Variants in SEMA4B observed in about 807,000 individuals in gnomAD.
SEMA4B encodes semaphorin 4B, also known as semaphorin-4B.
A neutral mutation model predicts 88.1 loss-of-function variants in SEMA4B; 55 were observed. The observed-to-expected ratio is 0.62, with a 90% CI of 0.50 to 0.78. The LOEUF (loss-of-function observed/expected upper bound fraction) is 0.78, where lower values mean the gene tolerates loss of function less well. SEMA4B is among the 30% of genes least tolerant of loss of function. The pLI, the probability that SEMA4B is intolerant of heterozygous loss-of-function variation, is 0.00. For synonymous variants in SEMA4B, 525 were observed against 473.6 expected, an observed-to-expected ratio of 1.11 and a Z score of -1.41; for missense variants, 1,062 against 1,111.9, an observed-to-expected ratio of 0.96 and a Z score of 0.64.
intron 3 of SEMA4B, 159 bp downstream of exon 3, chr15:90,217,988 T>C: frequency 4.9e-6 from 3 of 615,126 alleles, no homozygotes; most frequent in Admixed American, 2.8e-5. Flanking sequence ...ATCCCAGCAC[T>C]ACACTTACAT....
rs1960747069 is a variant in SEMA4B, at chr15:90,201,706, C to T, written c.128C>T (p.Ala43Val). The change falls in exon 1 of 14, where the codon GCG becomes GTG. Residue 43 changes from alanine (A) to valine (V), a missense_variant. Transcript: ENST00000411539. ...LLLQPPPPTW[A>V]LSPRISLPLG... Reference sequence around the variant, plus strand: ...CTGCAGCCGCCGCCTCCGACCTGGGCGCTCAGCCCCCGGATCAGCCTGCCT... The same window carrying T: ...CTGCAGCCGCCGCCTCCGACCTGGGTGCTCAGCCCCCGGATCAGCCTGCCT... 3 of 1,496,706 alleles carry T rather than the reference C, an allele frequency of 2.0e-6. No individual in the cohort carries two copies. Among genetic ancestry groups the T allele is most frequent in the Non-Finnish European group, 2.7e-6 (3 of 1,128,834 alleles). The allele number at this position is 1,496,706 out of a possible 1,614,324, so 92.7% of individuals were successfully genotyped here.
At chr15:90,224,446 A>G (rs1398643875) in intron 9 of SEMA4B, among the ~76,000 whole-genome samples, 1 of 152,230 alleles carries the variant, frequency 6.6e-6, no homozygotes, top group East Asian at 1.9e-4. Context: ...AGCAGCATGA[A>G]GGAATAGGAA....
chr15:90,205,635 G>A (rs559052841), intron 1 of SEMA4B, among the ~76,000 whole-genome samples: 1 of 152,386 alleles, frequency 6.6e-6, no homozygotes, highest in Non-Finnish European at 1.5e-5. Flanking sequence ...CCTGGCACAT[G>A]CTGCATCCGT....
intron 1 of SEMA4B, chr15:90,190,447 C>G (rs1373724193): frequency 6.6e-6 from 1 of 152,320 alleles, no homozygotes; most frequent in Non-Finnish European, 1.5e-5. Flanking sequence ...AAGGCTCTGT[C>G]TGGGAGTAAG....
At chr15:90,225,564 C>T in intron 11 of SEMA4B, 97 bp from the exon 12 acceptor site, 1 of 1,425,304 alleles carries the variant, frequency 7.0e-7, no homozygotes. Context: ...TAACAGGCCT[C>T]TTGGGGGTGG....
At chr15:90,198,948 A>G (rs1466223099), upstream of SEMA4B, among the ~76,000 whole-genome samples, 4 of 151,906 alleles carry the variant, frequency 2.6e-5, no homozygotes, top group African/African-American at 9.7e-5. Flanking sequence ...GCTCACTGCA[A>G]CCTCCGCCTC....
intron 1 of SEMA4B, among the ~76,000 whole-genome samples, chr15:90,205,131 G>A (rs1960929699): frequency 6.6e-6 from 1 of 152,198 alleles, no homozygotes; most frequent in Admixed American, 6.5e-5. Flanking sequence ...GAAAGCTCTG[G>A]ACGCAGTATT....
In SEMA4B at chr15:90,224,977, A is replaced by C; in HGVS notation, c.1204A>C (p.Asn402His). The change falls in exon 10 of 14, where the codon AAC (asparagine) becomes CAC (histidine). Residue 402 changes from asparagine to histidine, a missense_variant. By Grantham distance (68) the Asn-to-His change is moderately conservative. Transcript: ENST00000411539. Reference protein sequence around the residue: ...PTPRPGACITNSARERKINSS... With the variant: ...PTPRPGACITHSARERKINSS... Reference sequence around the variant, plus strand: ...CTGCTTTCTCCTCCAGTGCATCACCAACAGTGCCCGGGAAAGGAAGATCAA... The same window carrying C: ...CTGCTTTCTCCTCCAGTGCATCACCCACAGTGCCCGGGAAAGGAAGATCAA... 2 of 1,613,846 alleles carry C rather than the reference A, an allele frequency of 1.2e-6. No individual in the cohort carries two copies. Among genetic ancestry groups the C allele is most frequent in the Non-Finnish European group, 1.7e-6 (2 of 1,179,830 alleles).
At chr15:90,202,388 C>G (rs536018924) in intron 1 of SEMA4B, among the ~76,000 whole-genome samples, 87 of 151,982 alleles carry the variant, frequency 5.7e-4, no homozygotes, top group African/African-American at 2.1e-3. Context: ...AAGTCCTGGG[C>G]GCGACCCCTC....
intron 1 of SEMA4B, among the ~76,000 whole-genome samples, chr15:90,210,129 A>T (rs535106803): frequency 1.2e-3 from 187 of 152,014 alleles, no homozygotes; most frequent in Non-Finnish European, 2.5e-3. Flanking sequence ...ATTGAGAGAA[A>T]ATTGGCAGGA....
At chr15:90,211,566 GAGGA>G (rs1270192191) in intron 1 of SEMA4B, among the ~76,000 whole-genome samples, 5 of 152,222 alleles carry the variant, frequency 3.3e-5, no homozygotes, top group Non-Finnish European at 5.9e-5. Flanking sequence ...GGGCCGTGTG[GAGGA>G]AGGAAGTGCA....
intron 3 of SEMA4B, chr15:90,218,064 A>C (rs1961623512): frequency 4.1e-6 from 2 of 493,206 alleles, no homozygotes; most frequent in African/African-American, 2.0e-5. Flanking sequence ...TAAAATGGGG[A>C]TAATGATCCG....
rs1158589730 is a variant in SEMA4B, at chr15:90,206,880, T to A, written c.157+5145T>A. 3 of 711,764 alleles carry A rather than the reference T, an allele frequency of 4.2e-6. No individual in the cohort carries two copies. The East Asian group carries it at 7.9e-5, about 19-fold the overall frequency. 44.1% of individuals were successfully genotyped at this position (711,764 alleles called of 1,614,324 possible). ...GAGAGGGGAAACCCCGTAAAGTGGT[T>A]GGTTGCAGTTGTATAGTAGTTAAGG... On this transcript the variant is annotated intron_variant, in intron 1 of 13. Coordinates refer to ENST00000411539, the MANE Select transcript of SEMA4B (RefSeq NM_198925.4).
intron 1 of SEMA4B, among the ~76,000 whole-genome samples, chr15:90,211,018 G>A (rs1961241472): frequency 6.6e-6 from 1 of 152,180 alleles, no homozygotes; most frequent in Admixed American, 6.6e-5. Flanking sequence ...GAGATGGGGT[G>A]GGAAGTTGAG....
chr15:90,209,098 C>T (rs11073914), intron 1 of SEMA4B, among the ~76,000 whole-genome samples: 1 of 151,878 alleles, frequency 6.6e-6, no homozygotes, highest in Admixed American at 6.6e-5. Flanking sequence ...TATCTGGGGC[C>T]CCTCTCTGGG....
rs1962406064 is a variant in SEMA4B at position 90,229,644 on chromosome 15, G to T, written c.*1001G>T. On this transcript the variant is annotated 3_prime_UTR_variant, in exon 14 of 14. Transcript: ENST00000411539. ...TTTATGTCATTTTTTAATAAAGTCT[G>T]AAGAATTACTGTTTAATCCTGGCTC... 1 of 335,474 alleles carries T rather than the reference G, an allele frequency of 3.0e-6. No homozygotes were observed. Among genetic ancestry groups the T allele is most frequent in the Non-Finnish European group, 5.8e-6 (1 of 171,640 alleles). 20.8% of individuals were successfully genotyped at this position (335,474 alleles called of 1,614,324 possible). A position where few individuals can be genotyped will look rare whatever the true frequency, so the allele number is the denominator to read the frequency against.
At position 90,225,336 on chromosome 15, in the gene SEMA4B, A is replaced by T; in HGVS notation, c.1460A>T (p.Glu487Val). 1 of 1,558,238 alleles carries T rather than the reference A, an allele frequency of 6.4e-7. No homozygotes were observed. The highest frequency in any genetic ancestry group is 8.7e-7 in the Non-Finnish European group (1 of 1,151,776). The change falls in exon 11 of 14, where the codon GAG becomes GTG. Residue 487 changes from glutamate to valine, a missense_variant. Glu to Val is a moderately radical substitution (Grantham distance 121). Coordinates refer to ENST00000411539, the MANE Select transcript of SEMA4B (RefSeq NM_198925.4). ...VSVGPRVHII[E>V]ELQIFSSGQP... ...GTGGGCCCCCGGGTGCACATCATTG[A>T]GGAGCTGCAGATCTTCTCATCGGGA...
At chr15:90,190,843 G>T (rs943944959) in intron 1 of SEMA4B, among the ~76,000 whole-genome samples, 1 of 152,050 alleles carries the variant, frequency 6.6e-6, no homozygotes, top group Non-Finnish European at 1.5e-5. Flanking sequence ...AGGTACCATC[G>T]TGACTCATTG....
At chr15:90,227,705 C>T (rs1962245800) in intron 13 of SEMA4B, 63 bp downstream of exon 13, 14 of 1,558,654 alleles carry the variant, frequency 9.0e-6, no homozygotes, top group Middle Eastern at 1.7e-4. Flanking sequence ...GAAGGCTCCC[C>T]CAGGCACAGA....
Sources: allele counts gnomAD v4.1 joint callset (sites outside exome capture counted in the v4.1 genomes callset), GRCh38; gene constraint gnomAD v4.1.1; transcripts MANE v1.5; gene names NCBI Gene and HGNC (gene_info 2026-07-23, HGNC 2026-07-21).